PDE11A: variants seen among roughly 807,000 people sequenced by gnomAD.
PDE11A encodes the protein dual 3',5'-cyclic-AMP and -GMP phosphodiesterase 11A.
A neutral mutation model predicts 100.5 loss-of-function variants in PDE11A; 100 were observed. The ratio of observed to expected loss-of-function variants is 1.00; its 90% CI spans 0.85 to 1.18. The LOEUF (loss-of-function observed/expected upper bound fraction) is 1.18, where lower values mean the gene tolerates loss of function less well. Ranked by LOEUF, PDE11A falls within the 50% of genes most tolerant of loss-of-function variation. The pLI is 0.00. For synonymous variants in PDE11A, 381 were observed against 420.8 expected (o/e 0.91, Z 1.16); for missense variants, 1,141 against 1,152.6 (o/e 0.99, Z 0.15).
upstream of PDE11A, among the ~76,000 whole-genome samples, chr2:178,073,591 A>G (rs950143669): frequency 4.0e-5 from 6 of 151,624 alleles, no homozygotes; most frequent in African/African-American, 1.5e-4. Flanking sequence ...ATTTAAAAAG[A>G]AAAAAAACAA....
At chr2:177,991,562 G>A (rs1280311643) in intron 2 of PDE11A, among the ~76,000 whole-genome samples, 1 of 150,678 alleles carries the variant, frequency 6.6e-6, no homozygotes, top group Admixed American at 6.7e-5. Flanking sequence ...TTGAACCCAG[G>A]AGGCGGAGGT....
At chr2:178,100,930 G>T (rs1397317458) in intron 2 of PDE11A, among the ~76,000 whole-genome samples, 1 of 152,124 alleles carries the variant, frequency 6.6e-6, no homozygotes, top group East Asian at 1.9e-4. Context: ...ATAATAAAAT[G>T]ACTCTATAGA....
At chr2:177,891,255 ACTCCACCCTGGGC>A (rs1282987187) in intron 4 of PDE11A, among the ~76,000 whole-genome samples, 1 of 152,062 alleles carries the variant, frequency 6.6e-6, no homozygotes, top group Non-Finnish European at 1.5e-5. Flanking sequence ...ATGCCACTGC[ACTCCACCCTGGGC>A]CTCCAGCCTG....
chr2:177,973,330 G>A (rs1239001223), intron 2 of PDE11A, among the ~76,000 whole-genome samples: 2 of 95,526 alleles, frequency 2.1e-5, no homozygotes, highest in Non-Finnish European at 4.2e-5. Context: ...GGTGACGGAC[G>A]CACCTGGAAA....
At chr2:177,993,001 T>G (rs142525718) in intron 2 of PDE11A, among the ~76,000 whole-genome samples, 2 of 152,296 alleles carry the variant, frequency 1.3e-5, no homozygotes, top group Non-Finnish European at 2.9e-5. Flanking sequence ...CTCCACTATC[T>G]GTGAGAAGAC....
At chr2:177,656,636 G>C (rs977047741) in intron 19 of PDE11A, among the ~76,000 whole-genome samples, 19 of 152,224 alleles carry the variant, frequency 1.2e-4, no homozygotes, top group Non-Finnish European at 2.2e-4. Flanking sequence ...TGCTAGCACT[G>C]TGCTAGGTGC....
At chr2:177,649,881 A>G (rs1258455258) in intron 19 of PDE11A, among the ~76,000 whole-genome samples, 1 of 152,204 alleles carries the variant, frequency 6.6e-6, no homozygotes, top group Non-Finnish European at 1.5e-5. Flanking sequence ...AAAGTCTATC[A>G]TGAACAGATA....
chr2:177,667,793 A>T (rs747414387), intron 18 of PDE11A, among the ~76,000 whole-genome samples: 2 of 152,194 alleles, frequency 1.3e-5, no homozygotes, highest in Non-Finnish European at 2.9e-5. Context: ...GGAGGCACTC[A>T]GGCAGGCTTT....
rs568750501 is a variant in PDE11A at position 177,826,457 on chromosome 2, A to G, written c.1501-6162T>C. ...AATCTAGTGGTGAGAAATTCTAGTA[A>G]CCAGACAAGCTGAGGGAGCCAATGT... On this transcript the variant is annotated intron_variant, in intron 6 of 19. Coordinates refer to ENST00000286063, the MANE Select transcript of PDE11A (RefSeq NM_016953.4). Among the ~76,000 whole-genome samples the G allele has an allele frequency of 3.9e-5, 6 of 152,366 alleles. No homozygotes were observed. In the South Asian group the frequency reaches 1.2e-3, roughly 32 times the overall value.
chr2:177,971,344 G>A lies in PDE11A; in HGVS notation c.1071+42958C>T, dbSNP rs548274481. Among the ~76,000 whole-genome samples, 15 of 152,244 alleles carry A rather than the reference G, an allele frequency of 9.9e-5. No homozygotes were observed. In the East Asian group the frequency reaches 2.7e-3, roughly 27 times the overall value. Reference sequence around the variant, plus strand: ...ATGAAGTAGGAAGGAGAAGTCAGTAGGTTTACATATGTGGATATTAGAACT... The same window carrying A: ...ATGAAGTAGGAAGGAGAAGTCAGTAAGTTTACATATGTGGATATTAGAACT... On this transcript the variant is annotated intron_variant, in intron 2 of 19. Transcript: ENST00000286063.
intron 2 of PDE11A, among the ~76,000 whole-genome samples, chr2:178,098,593 T>G (rs2087523564): frequency 6.6e-6 from 1 of 152,198 alleles, no homozygotes; most frequent in African/African-American, 2.4e-5. Flanking sequence ...ATGGATATTC[T>G]TTAGAGTATA....
At chr2:178,094,408 C>T (rs1374076758) in intron 2 of PDE11A, among the ~76,000 whole-genome samples, 3 of 151,810 alleles carry the variant, frequency 2.0e-5, no homozygotes, top group Non-Finnish European at 4.4e-5. Context: ...GGTGCACTTC[C>T]GGGGTCCCAG....
chr2:177,628,304 A>T lies in PDE11A; in HGVS notation c.*1103T>A, dbSNP rs1217076783. The T allele has an allele frequency of 6.6e-6, 1 of 152,630 alleles. No individual in the cohort carries two copies. Among genetic ancestry groups the T allele is most frequent in the Admixed American group, 6.5e-5 (1 of 15,282 alleles). 9.5% of individuals were successfully genotyped at this position (152,630 alleles called of 1,614,324 possible). ...TTGGATAACACATACCATGTCCACAATTTCTCAATATAGGGAGCAAAGCAG... is the reference window on the plus strand; with the variant it reads ...TTGGATAACACATACCATGTCCACATTTTCTCAATATAGGGAGCAAAGCAG... On this transcript the variant is annotated 3_prime_UTR_variant, in exon 20 of 20. Transcript: ENST00000286063.
chr2:177,845,139 C>A (rs1345813033), intron 5 of PDE11A, among the ~76,000 whole-genome samples: 1 of 150,680 alleles, frequency 6.6e-6, no homozygotes, highest in African/African-American at 2.4e-5. Context: ...TCCTCACCTC[C>A]CGGACGGGGC....
chr2:177,845,196 G>C (rs201073656), intron 5 of PDE11A, among the ~76,000 whole-genome samples: 75,199 of 145,356 alleles, frequency 0.52, 20,239 homozygotes, highest in East Asian at 0.68. Context: ...CTCCCGGACG[G>C]GGTGGCTGCC....
chr2:177,635,167 T>C (rs2080020859), intron 19 of PDE11A, among the ~76,000 whole-genome samples: 1 of 152,238 alleles, frequency 6.6e-6, no homozygotes, highest in South Asian at 2.1e-4. Context: ...TTCCTTTATG[T>C]TGGACTGAAA....
Position 178,011,718 on chromosome 2 carries a change from C to T in PDE11A, c.1071+2584G>A, listed in dbSNP as rs139410034. 6.6e-5 allele frequency among the ~76,000 whole-genome samples: 10 copies of T among 152,328 alleles called. No homozygotes were observed. The East Asian group carries it at 1.9e-3, about 29-fold the overall frequency. The stretch of plus-strand genomic sequence containing the variant: ...CTAATCAATCGCTCATGAGAACTTA[C>T]TAAGTCCTAAGTTCTCTTCCAAGTT... On this transcript the variant is annotated intron_variant, in intron 2 of 19. Coordinates refer to ENST00000286063, the MANE Select transcript of PDE11A (RefSeq NM_016953.4).
chr2:177,780,610 C>CAACATTGTTTAT (rs1472440776), intron 9 of PDE11A, among the ~76,000 whole-genome samples: 10 of 152,310 alleles, frequency 6.6e-5, no homozygotes, highest in African/African-American at 2.4e-4. Flanking sequence ...ACTGTAACAA[C>CAACATTGTTTAT]CTTTATCAAT....
Position 177,963,277 on chromosome 2 carries a change from T to C in PDE11A, c.1071+51025A>G, listed in dbSNP as rs1462295978. On this transcript the variant is annotated intron_variant, in intron 2 of 19. Coordinates refer to ENST00000286063, the MANE Select transcript of PDE11A (RefSeq NM_016953.4). ...ATTTCTGTATCTTCAGGATGAGCTC[T>C]ATACGGATTCCAGAGGAAACATCAA... is the stretch of plus-strand genomic sequence containing the variant. Among the ~76,000 whole-genome samples the C allele has an allele frequency of 3.9e-5, 6 of 152,330 alleles. No homozygotes were observed. The South Asian group carries it at 6.2e-4, about 16-fold the overall frequency.
Sources: gnomAD v4.1 joint callset for allele counts (sites outside exome capture counted in the v4.1 genomes callset) on GRCh38, gnomAD v4.1.1 for gene constraint, MANE v1.5 for transcripts, NCBI Gene and HGNC (gene_info 2026-07-23, HGNC 2026-07-21) for gene names.